ZMYND8: variants seen among roughly 807,000 people sequenced by gnomAD.
ZMYND8 encodes the protein zinc finger MYND-type containing 8, also known as MYND-type zinc finger-containing chromatin reader ZMYND8.
Under a neutral mutation model 140.8 loss-of-function variants are expected in ZMYND8, and 37 were observed. The ratio of observed to expected loss-of-function variants is 0.26; its 90% CI spans 0.20 to 0.35. The LOEUF (loss-of-function observed/expected upper bound fraction) is 0.35. Ranked by LOEUF, ZMYND8 falls within the 10% of genes least tolerant of loss-of-function variation. The pLI is 1.00. For missense variants in ZMYND8, 1,068 were observed against 1,570.0 expected (o/e 0.68, Z 5.40); for synonymous variants, 592 against 597.1 (o/e 0.99, Z 0.12).
chr20:47,221,238 C>A, intron 20 of ZMYND8, 76 bp downstream of exon 20: 1 of 1,557,622 alleles, frequency 6.4e-7, no homozygotes, highest in South Asian at 1.2e-5. Context: ...ACTTTCAGGG[C>A]GGCAGACAGG....
chr20:47,350,068 AAG>A, intron 1 of ZMYND8: 2 of 1,389,544 alleles, frequency 1.4e-6, no homozygotes, highest in Non-Finnish European at 1.9e-6. Context: ...GCTGGAGCAG[AAG>A]AGAGAGGGAA....
intron 13 of ZMYND8, 105 bp downstream of exon 13, chr20:47,249,182 G>A: frequency 7.2e-7 from 1 of 1,383,422 alleles, no homozygotes; most frequent in Non-Finnish European, 9.8e-7. Flanking sequence ...TAAAGCAGCT[G>A]CTAAAAGCAG....
intron 19 of ZMYND8, among the ~76,000 whole-genome samples, chr20:47,222,726 T>C (rs1363354665): frequency 2.0e-5 from 3 of 152,268 alleles, no homozygotes; most frequent in African/African-American, 4.8e-5. Context: ...AGACCAAAAG[T>C]CTCTACAAAG....
chr20:47,355,687 TGTATAAAA>T (rs2083171951), intron 1 of ZMYND8: 1 of 164,228 alleles, frequency 6.1e-6, no homozygotes, highest in African/African-American at 2.4e-5. Flanking sequence ...GAGGATACAA[TGTATAAAA>T]GGGACAGGAA....
chr20:47,350,333 A>G (rs1257366091), intron 1 of ZMYND8, among the ~76,000 whole-genome samples: 1 of 150,780 alleles, frequency 6.6e-6, no homozygotes, highest in African/African-American at 2.4e-5. Context: ...AAGGAGAAAA[A>G]AAAAAAAAAA....
chr20:47,305,104 C>T (rs1191134232), intron 3 of ZMYND8, among the ~76,000 whole-genome samples: 1 of 151,800 alleles, frequency 6.6e-6, no homozygotes, highest in Non-Finnish European at 1.5e-5. Flanking sequence ...ATTAGCCAGG[C>T]ATGTTGGGGA....
chr20:47,256,409 G>A (rs953492254), intron 12 of ZMYND8, among the ~76,000 whole-genome samples: 2 of 152,114 alleles, frequency 1.3e-5, no homozygotes, highest in African/African-American at 4.8e-5. Flanking sequence ...CACGAGGTCA[G>A]GAGATTGAGA....
intron 10 of ZMYND8, among the ~76,000 whole-genome samples, chr20:47,280,133 A>AG (rs1284677605): frequency 2.1e-5 from 3 of 144,050 alleles, no homozygotes; most frequent in Non-Finnish European, 4.7e-5. Flanking sequence ...CCAAAAAAAA[A>AG]AAAAAAAAAA....
intron 20 of ZMYND8, 73 bp from the exon 21 acceptor site, chr20:47,220,397 A>G: frequency 8.0e-7 from 1 of 1,254,390 alleles, no homozygotes; most frequent in Non-Finnish European, 1.1e-6. Flanking sequence ...AAATCCAGGG[A>G]GTCATGGGGG....
rs1003091658 is a variant in ZMYND8 at position 47,280,703 on chromosome 20, G to A, written c.998+1399C>T. 3.3e-5 allele frequency among the ~76,000 whole-genome samples: 5 copies of A among 152,132 alleles called. 1 individual carries two copies. The highest frequency in any genetic ancestry group is 6.3e-3 in the Middle Eastern group (2 of 316). On this transcript the variant is annotated intron_variant, in intron 10 of 22. Transcript: ENST00000471951. ...GTAAGAATCTCAAATCATCAAGATG[G>A]TTCACATTTGTCATGCTCTGATGAA...
At chr20:47,221,216 C>T in intron 20 of ZMYND8, 98 bp downstream of exon 20, 1 of 1,503,460 alleles carries the variant, frequency 6.7e-7, no homozygotes, top group Non-Finnish European at 9.0e-7. Flanking sequence ...GACAAGCCTC[C>T]CACAACACGG....
intron 11 of ZMYND8, among the ~76,000 whole-genome samples, chr20:47,264,578 A>G (rs1012362059): frequency 5.3e-5 from 8 of 152,192 alleles, no homozygotes; most frequent in South Asian, 2.1e-4. Flanking sequence ...TGCCCAGCCT[A>G]TAATTAAGTT....
At chr20:47,307,269 G>A (rs1393927151) in intron 3 of ZMYND8, among the ~76,000 whole-genome samples, 1 of 151,838 alleles carries the variant, frequency 6.6e-6, no homozygotes, top group Non-Finnish European at 1.5e-5. Context: ...TGGCCAACAT[G>A]GCGAAACTCC....
chr20:47,230,761 T>C (rs2038366123), intron 16 of ZMYND8, among the ~76,000 whole-genome samples: 2 of 152,192 alleles, frequency 1.3e-5, no homozygotes, highest in African/African-American at 4.8e-5. Context: ...GTTGTGTATC[T>C]GTCACCACAA....
At chr20:47,331,584 G>A (rs1333450846) in intron 2 of ZMYND8, among the ~76,000 whole-genome samples, 1 of 152,156 alleles carries the variant, frequency 6.6e-6, no homozygotes, top group African/African-American at 2.4e-5. Flanking sequence ...ACCCAGAGAA[G>A]GAACGTGCTA....
intron 1 of ZMYND8, chr20:47,356,280 G>A: frequency 3.4e-6 from 4 of 1,175,796 alleles, no homozygotes; most frequent in Non-Finnish European, 4.4e-6. Context: ...AGGGGTGGGA[G>A]GGGGGGAACT....
In ZMYND8 at chr20:47,285,848, T is replaced by C. The variant is rs966603250; in HGVS notation, c.804+1381A>G. 8.2e-6 allele frequency: 8 copies of C among 980,922 alleles called. No individual in the cohort carries two copies. The African/African-American group carries it at 1.4e-4, about 17-fold the overall frequency. 60.8% of individuals were successfully genotyped at this position (980,922 alleles called of 1,614,324 possible). A position where few individuals can be genotyped will look rare whatever the true frequency, so the allele number is the denominator to read the frequency against. ...TTACCTAGGAAACAGAGAAAATACA[T>C]AAAATAAACTAAGTGAGAAAGCAGT... is the stretch of plus-strand genomic sequence containing the variant. On this transcript the variant is annotated intron_variant, in intron 8 of 22. Coordinates refer to ENST00000471951, the MANE Select transcript of ZMYND8 (RefSeq NM_001281775.3).
intron 2 of ZMYND8, among the ~76,000 whole-genome samples, chr20:47,315,102 T>G (rs758069052): frequency 4.0e-5 from 6 of 151,766 alleles, no homozygotes; most frequent in Admixed American, 6.6e-5. Context: ...CTTAATTTAA[T>G]GAGAAAGTGG....
chr20:47,233,367 G>C (rs1032443608), intron 16 of ZMYND8, among the ~76,000 whole-genome samples: 3 of 151,990 alleles, frequency 2.0e-5, no homozygotes, highest in African/African-American at 4.8e-5. Context: ...GTGCCACCAG[G>C]CCCAGCTAAT....
Sources: allele counts gnomAD v4.1 joint callset (sites outside exome capture counted in the v4.1 genomes callset), GRCh38; gene constraint gnomAD v4.1.1; transcripts MANE v1.5; gene names NCBI Gene and HGNC (gene_info 2026-07-23, HGNC 2026-07-21).